The following ENTREP2 variants were observed in gnomAD, a reference collection of about 807,000 sequenced individuals.
ENTREP2 encodes the protein endosomal transmembrane epsin interactor 2, also known as protein ENTREP2.
At chr15:29,607,818 A>AGATAGATAGAT in the ENTREP2 span, among the ~76,000 whole-genome samples, 2 of 142,668 alleles carry the variant, frequency 1.4e-5, no homozygotes, top group African/African-American at 5.8e-5. Context: ...ATAGATAGAT[A>AGATAGATAGAT]GATAGATAGA....
the ENTREP2 span, among the ~76,000 whole-genome samples, chr15:29,445,780 G>A: frequency 6.6e-6 from 1 of 152,172 alleles, no homozygotes; most frequent in Non-Finnish European, 1.5e-5. Flanking sequence ...CCAATTTATA[G>A]ACCATCAGTC....
the ENTREP2 span, among the ~76,000 whole-genome samples, chr15:29,416,666 G>C: frequency 6.6e-6 from 1 of 152,088 alleles, no homozygotes; most frequent in Middle Eastern, 3.4e-3. Flanking sequence ...TTAAACTAAA[G>C]AGCTTCTGCA....
chr15:29,228,144 C>G, the ENTREP2 span, among the ~76,000 whole-genome samples: 1 of 152,034 alleles, frequency 6.6e-6, no homozygotes, highest in African/African-American at 2.4e-5. Flanking sequence ...CATTGTGAAA[C>G]CCCGTCTCTA....
the ENTREP2 span, among the ~76,000 whole-genome samples, chr15:29,542,242 C>T: frequency 2.0e-4 from 31 of 151,780 alleles, no homozygotes; most frequent in Non-Finnish European, 4.1e-4. Context: ...CTCAAACTCC[C>T]GACCTCAGGT....
chr15:29,367,372 G>C, the ENTREP2 span, among the ~76,000 whole-genome samples: 1 of 152,178 alleles, frequency 6.6e-6, no homozygotes, highest in African/African-American at 2.4e-5. Flanking sequence ...TACAAACCTA[G>C]TTATATTTGA....
the ENTREP2 span, among the ~76,000 whole-genome samples, chr15:29,316,611 G>A: frequency 6.6e-6 from 1 of 152,194 alleles, no homozygotes; most frequent in Admixed American, 6.5e-5. Context: ...AAGTGGTGGG[G>A]TACTGATGAC....
the ENTREP2 span, among the ~76,000 whole-genome samples, chr15:29,539,055 T>C: frequency 9.1e-4 from 139 of 152,234 alleles, no homozygotes; most frequent in African/African-American, 2.9e-3. Context: ...AGTCTGGATA[T>C]GACAAGGGGT....
chr15:29,553,223 G>A, the ENTREP2 span, among the ~76,000 whole-genome samples: 2 of 152,166 alleles, frequency 1.3e-5, no homozygotes, highest in Admixed American at 6.5e-5. Context: ...TTGAACCCAG[G>A]AGGCAGAGGT....
the ENTREP2 span, among the ~76,000 whole-genome samples, chr15:29,241,867 A>C: frequency 2.7e-5 from 4 of 150,424 alleles, no homozygotes; most frequent in Admixed American, 6.6e-5. Flanking sequence ...ACCCCCCCCC[A>C]CCACCACCCT....
chr15:29,444,082 G>T, the ENTREP2 span, among the ~76,000 whole-genome samples: 1 of 151,904 alleles, frequency 6.6e-6, no homozygotes, highest in East Asian at 1.9e-4. Flanking sequence ...CCGCCTGGGC[G>T]ACAGAGCAAG....
the ENTREP2 span, among the ~76,000 whole-genome samples, chr15:29,139,268 C>G: frequency 6.6e-6 from 1 of 152,182 alleles, no homozygotes; most frequent in Non-Finnish European, 1.5e-5. Context: ...TCCTAACACA[C>G]GGAGCACACT....
At chr15:29,285,091 CA>C in the ENTREP2 span, among the ~76,000 whole-genome samples, 1 of 152,166 alleles carries the variant, frequency 6.6e-6, no homozygotes, top group African/African-American at 2.4e-5. Flanking sequence ...AATATTCAGG[CA>C]GAAGGGTGTG....
the ENTREP2 span, among the ~76,000 whole-genome samples, chr15:29,311,747 A>C: frequency 6.6e-5 from 10 of 152,204 alleles, no homozygotes; most frequent in Non-Finnish European, 1.5e-4. Context: ...CATTCTTTCA[A>C]TAAGTAGATA....
the ENTREP2 span, among the ~76,000 whole-genome samples, chr15:29,250,880 C>A: frequency 3.9e-5 from 6 of 152,252 alleles, no homozygotes; most frequent in Non-Finnish European, 7.3e-5. Context: ...CTGTGCACAT[C>A]ATATAGGGAT....
the ENTREP2 span, among the ~76,000 whole-genome samples, chr15:29,535,819 C>A: frequency 3.3e-5 from 5 of 150,690 alleles, no homozygotes; most frequent in South Asian, 1.1e-3. Context: ...TCACCAGAAC[C>A]CCAAATATTC....
At chr15:29,415,039 C>A in the ENTREP2 span, among the ~76,000 whole-genome samples, 2 of 152,150 alleles carry the variant, frequency 1.3e-5, no homozygotes, top group African/African-American at 4.8e-5. Flanking sequence ...AAGTCCAGGA[C>A]CAGATGGATT....
the ENTREP2 span, among the ~76,000 whole-genome samples, chr15:29,174,691 AC>A: frequency 6.8e-6 from 1 of 147,536 alleles, no homozygotes; most frequent in African/African-American, 2.7e-5. Context: ...CTCCAACTAA[AC>A]AAAACAAAAC....
chr15:29,375,213 T>G, the ENTREP2 span: 1 of 152,212 alleles, frequency 6.6e-6, no homozygotes, highest in Admixed American at 6.5e-5. Context: ...TTCTGCATGC[T>G]GTATACAATG....
chr15:29,444,216 A>AC, the ENTREP2 span, among the ~76,000 whole-genome samples: 1 of 151,152 alleles, frequency 6.6e-6, no homozygotes, highest in South Asian at 2.1e-4. Flanking sequence ...GAAAGAAAGA[A>AC]AGAAAGAAAG....
Sources: allele counts gnomAD v4.1 joint callset (sites outside exome capture counted in the v4.1 genomes callset), GRCh38; gene constraint gnomAD v4.1.1; transcripts MANE v1.5; gene names NCBI Gene and HGNC (gene_info 2026-07-23, HGNC 2026-07-21).